The following DCTN6 variants were observed in gnomAD, a reference collection of about 807,000 sequenced individuals.
DCTN6 encodes the protein dynactin 6.
In DCTN6, 15 loss-of-function variants were observed where a neutral mutation model predicts 25.8. The observed-to-expected ratio is 0.58, with a 90% CI of 0.39 to 0.89. The LOEUF is 0.89. DCTN6 is among the 40% of genes least tolerant of loss of function. The pLI is 0.00. For synonymous variants in DCTN6, 64 were observed against 78.3 expected (o/e 0.82, Z 0.96); for missense variants, 198 against 237.6 (o/e 0.83, Z 1.09).
At chr8:30,158,303 A>G (rs1287329934) in intron 1 of DCTN6, among the ~76,000 whole-genome samples, 1 of 152,220 alleles carries the variant, frequency 6.6e-6, no homozygotes, top group Non-Finnish European at 1.5e-5. Context: ...AAGGTCTAAA[A>G]CAAGAGACAT....
intron 1 of DCTN6, among the ~76,000 whole-genome samples, chr8:30,160,285 A>G (rs1377190376): frequency 6.6e-6 from 1 of 152,200 alleles, no homozygotes; most frequent in Non-Finnish European, 1.5e-5. Flanking sequence ...ATGATAGTGA[A>G]TTAGTTCTCA....
chr8:30,162,959 A>G (rs1419985664), intron 1 of DCTN6, among the ~76,000 whole-genome samples: 1 of 151,058 alleles, frequency 6.6e-6, no homozygotes, highest in Non-Finnish European at 1.5e-5. Flanking sequence ...ACTCTTTTTT[A>G]CTTTTAACAA....
At chr8:30,179,374 A>C (rs142488069) in intron 4 of DCTN6, 34 bp from the exon 5 acceptor site, 4 of 1,576,870 alleles carry the variant, frequency 2.5e-6, no homozygotes, top group Non-Finnish European at 3.5e-6. Context: ...AAAGATGAAC[A>C]TATTTGTAGT....
chr8:30,179,514 C>T, intron 5 of DCTN6, 59 bp downstream of exon 5: 9 of 1,461,724 alleles, frequency 6.2e-6, no homozygotes, highest in Non-Finnish European at 8.5e-6. Context: ...TTTGTGGTGT[C>T]CTGGGAAACA....
chr8:30,163,380 C>T (rs1585499218), intron 1 of DCTN6, among the ~76,000 whole-genome samples: 1 of 152,152 alleles, frequency 6.6e-6, no homozygotes, highest in Admixed American at 6.5e-5. Context: ...CCTTGGCCTC[C>T]CAGAGTGCTG....
chr8:30,179,277 C>T (rs1243964994), intron 4 of DCTN6, 131 bp from the exon 5 acceptor site: 2 of 557,876 alleles, frequency 3.6e-6, no homozygotes, highest in East Asian at 3.2e-5. Context: ...GCAAAGAGTT[C>T]TGGCAAGGGT....
chr8:30,160,164 T>A (rs1243752858), intron 1 of DCTN6, among the ~76,000 whole-genome samples: 3 of 152,090 alleles, frequency 2.0e-5, no homozygotes, highest in Non-Finnish European at 4.4e-5. Context: ...TTTGGCTGTG[T>A]CCCCACCCAA....
At position 30,167,069 on chromosome 8, in the gene DCTN6, C is replaced by T. The variant is rs554644614; in HGVS notation, c.88+2894C>T. On this transcript the variant is annotated intron_variant, in intron 2 of 6. Transcript: ENST00000221114. Reference sequence around the variant, plus strand: ...GAGGAAAGGAAGGAAGGGAGAGAGACGGAAAGAGAAAGAAGGAAAGAAGAA... The same window carrying T: ...GAGGAAAGGAAGGAAGGGAGAGAGATGGAAAGAGAAAGAAGGAAAGAAGAA... Among the ~76,000 whole-genome samples the T allele has an allele frequency of 4.4e-4, 57 of 130,242 alleles. 2 individuals are homozygous for T. In the South Asian group the frequency reaches 5.3e-3, roughly 12 times the overall value. 85.4% of individuals were successfully genotyped at this position (130,242 alleles called of 152,430 possible).
intron 2 of DCTN6, among the ~76,000 whole-genome samples, chr8:30,171,342 T>G (rs1355593695): frequency 6.6e-6 from 1 of 151,992 alleles, no homozygotes; most frequent in Non-Finnish European, 1.5e-5. Flanking sequence ...CTCGAACCCC[T>G]GGACTCAAGC....
At chr8:30,165,464 C>T (rs1188770419) in intron 2 of DCTN6, among the ~76,000 whole-genome samples, 4 of 149,890 alleles carry the variant, frequency 2.7e-5, no homozygotes, top group Middle Eastern at 3.4e-3. Context: ...AACCCTGTAA[C>T]GTCATTTTTT....
chr8:30,180,719 T>C (rs1393568334), intron 6 of DCTN6, 89 bp downstream of exon 6: 4 of 1,418,740 alleles, frequency 2.8e-6, no homozygotes, highest in Non-Finnish European at 3.8e-6. Flanking sequence ...AGGTACACTA[T>C]TTAAGAACAT....
At chr8:30,177,855 T>C (rs1011312280) in intron 4 of DCTN6, among the ~76,000 whole-genome samples, 1 of 152,256 alleles carries the variant, frequency 6.6e-6, no homozygotes, top group African/African-American at 2.4e-5. Context: ...ATGCCGTTTT[T>C]AGACAAACGC....
chr8:30,180,852 T>A, intron 6 of DCTN6: 1 of 575,028 alleles, frequency 1.7e-6, no homozygotes, highest in Non-Finnish European at 3.0e-6. Context: ...GGCAACATAG[T>A]GAGACTCTGT....
At position 30,167,893 on chromosome 8, in the gene DCTN6, G is replaced by T. The variant is rs1053798675; in HGVS notation, c.88+3718G>T. Among the ~76,000 whole-genome samples, 25 of 151,884 alleles carry T rather than the reference G, an allele frequency of 1.6e-4. 1 individual carries two copies. The highest frequency in any genetic ancestry group is 3.2e-4 in the Non-Finnish European group (22 of 67,954). On this transcript the variant is annotated intron_variant, in intron 2 of 6. Transcript: ENST00000221114. ...TTTTTGTATTTTTAGTAGAGACAGG[G>T]TTTCACCATGTTGGTCAGGCTGATC...
At chr8:30,163,766 G>A (rs371762057) in intron 1 of DCTN6, among the ~76,000 whole-genome samples, 10 of 149,248 alleles carry the variant, frequency 6.7e-5, no homozygotes, top group South Asian at 6.3e-4. Flanking sequence ...GCAATGGCGC[G>A]ATCTCGGCTC....
chr8:30,163,603 G>A (rs1803624910), intron 1 of DCTN6, among the ~76,000 whole-genome samples: 1 of 151,942 alleles, frequency 6.6e-6, no homozygotes, highest in South Asian at 2.1e-4. Context: ...AAGTGTTTTA[G>A]CACATGTGAT....
chr8:30,168,448 A>C (rs1414396427), intron 2 of DCTN6, among the ~76,000 whole-genome samples: 2 of 150,860 alleles, frequency 1.3e-5, no homozygotes, highest in African/African-American at 4.9e-5. Flanking sequence ...TCTGATTACA[A>C]CTCTCCCCAC....
chr8:30,181,754 G>T (rs1803913337), intron 6 of DCTN6, among the ~76,000 whole-genome samples: 1 of 151,904 alleles, frequency 6.6e-6, no homozygotes, highest in South Asian at 2.1e-4. Context: ...GTTGGGCATG[G>T]TGGCATTCAC....
At chr8:30,158,841 G>A (rs1310334841) in intron 1 of DCTN6, among the ~76,000 whole-genome samples, 1 of 140,336 alleles carries the variant, frequency 7.1e-6, no homozygotes, top group African/African-American at 2.6e-5. Flanking sequence ...GAGTGCAGTG[G>A]CACAATCTCT....
Sources: gnomAD v4.1 joint callset for allele counts (sites outside exome capture counted in the v4.1 genomes callset) on GRCh38, gnomAD v4.1.1 for gene constraint, MANE v1.5 for transcripts, NCBI Gene and HGNC (gene_info 2026-07-23, HGNC 2026-07-21) for gene names.